CLEC10A: variants seen among roughly 807,000 people sequenced by gnomAD.
The protein encoded by CLEC10A is C-type lectin domain family 10 member A.
A neutral mutation model predicts 42.0 loss-of-function variants in CLEC10A; 38 were observed. The ratio of observed to expected loss-of-function variants is 0.90; its 90% confidence interval spans 0.70 to 1.18. CLEC10A has a LOEUF of 1.18. Among genes scored for constraint, CLEC10A ranks in the 50% most tolerant of loss-of-function variants. CLEC10A has a pLI of 0.00. For missense variants in CLEC10A, 298 were observed against 345.9 expected, an observed-to-expected ratio of 0.86 and a Z score of 1.10; for synonymous variants, 126 against 139.9, an observed-to-expected ratio of 0.90 and a Z score of 0.70.
At chr17:7,076,234 G>C in intron 5 of CLEC10A, 163 bp from the exon 6 acceptor site, 1 of 1,327,708 alleles carries the variant, frequency 7.5e-7, no homozygotes, top group South Asian at 1.4e-5. Context: ...CATCAAATCT[G>C]CTTTGGATTC....
At chr17:7,076,358 T>G (rs1259074493) in intron 5 of CLEC10A, among the ~76,000 whole-genome samples, 9 of 147,030 alleles carry the variant, frequency 6.1e-5, no homozygotes, top group Non-Finnish European at 7.5e-5. Context: ...CTGCCCAGGC[T>G]GGAGTGCAAT....
intron 3 of CLEC10A, 140 bp downstream of exon 3, chr17:7,077,857 C>T (rs1031555652): frequency 2.9e-6 from 2 of 688,058 alleles, no homozygotes; most frequent in African/African-American, 1.8e-5. Flanking sequence ...GTTATCTCCA[C>T]AGCTGCCCCC....
chr17:7,075,328 G>A, intron 8 of CLEC10A, 32 bp downstream of exon 8: 1 of 1,508,282 alleles, frequency 6.6e-7, no homozygotes, highest in East Asian at 2.3e-5. Context: ...GCTGACGGAG[G>A]ACATTGGCAC....
rs532880398 is a variant in CLEC10A at position 7,075,535 on chromosome 17, A to G, written c.595-69T>C. The stretch of plus-strand genomic sequence containing the variant: ...CAACTCCTTAAACTAGTGATTCTCA[A>G]CTTTAGCTCTTCGTTAAATCAACTG... On this transcript the variant is annotated intron_variant, in intron 7 of 8. Coordinates refer to ENST00000416562, the MANE Select transcript of CLEC10A (RefSeq NM_001330070.2). 6 of 1,446,656 alleles carry G rather than the reference A, an allele frequency of 4.1e-6. No homozygotes were observed. The East Asian group carries it at 1.4e-4, about 33-fold the overall frequency. 89.6% of individuals were successfully genotyped at this position (1,446,656 alleles called of 1,614,324 possible).
chr17:7,076,718 C>CGT lies in CLEC10A; in HGVS notation c.352+14_352+15insAC, dbSNP rs745976302. On this transcript the variant is annotated intron_variant, in intron 5 of 8. Coordinates refer to ENST00000416562, the MANE Select transcript of CLEC10A (RefSeq NM_001330070.2). ...GCGCCTAGCCCCCCACACCCATACT[C>CGT]GGAGGGTCTCTCACCTGCCTGCCGT... The CGT allele has an allele frequency of 2.5e-6, 4 of 1,613,428 alleles. No homozygotes were observed. In the African/African-American group the frequency reaches 5.3e-5, roughly 22 times the overall value.
chr17:7,076,710 C>A (rs1173508928), intron 5 of CLEC10A, 23 bp downstream of exon 5: 2 of 1,612,964 alleles, frequency 1.2e-6, no homozygotes, highest in African/African-American at 1.3e-5. Context: ...GCCCCCCACA[C>A]CCATACTCGG....
intron 7 of CLEC10A, 48 bp from the exon 8 acceptor site, chr17:7,075,514 T>C: frequency 6.8e-7 from 1 of 1,472,546 alleles, no homozygotes; most frequent in Non-Finnish European, 9.2e-7. Context: ...CCCAGCCAAC[T>C]CCTTAAACTA....
intron 3 of CLEC10A, 84 bp downstream of exon 3, chr17:7,077,913 C>A: frequency 9.4e-7 from 1 of 1,062,262 alleles, no homozygotes; most frequent in Non-Finnish European, 1.4e-6. Flanking sequence ...CACCATCGCC[C>A]CACCACTGCC....
chr17:7,077,187 C>G (rs929829742), intron 3 of CLEC10A, among the ~76,000 whole-genome samples, 200 bp from the exon 4 acceptor site: 4 of 152,058 alleles, frequency 2.6e-5, no homozygotes, highest in African/African-American at 9.7e-5. Flanking sequence ...CCCAACTACT[C>G]AGTGACAAAG....
chr17:7,077,896 T>G, intron 3 of CLEC10A, 101 bp downstream of exon 3: 1 of 872,146 alleles, frequency 1.1e-6, no homozygotes, highest in East Asian at 2.5e-5. Context: ...GCTCCTACTG[T>G]GGACCTCACC....
intron 5 of CLEC10A, 90 bp downstream of exon 5, chr17:7,076,643 G>C: frequency 2.1e-6 from 3 of 1,400,518 alleles, no homozygotes; most frequent in Non-Finnish European, 3.0e-6. Context: ...CTGGCTGAAG[G>C]GGAGGGCAGT....
chr17:7,077,047 G>A (rs1051966620), intron 3 of CLEC10A, 60 bp from the exon 4 acceptor site: 24 of 1,191,820 alleles, frequency 2.0e-5, no homozygotes, highest in Non-Finnish European at 2.6e-5. Flanking sequence ...TACCAGCACC[G>A]AGCAGGGCCC....
chr17:7,075,500 C>T (rs749816425), intron 7 of CLEC10A, 34 bp from the exon 8 acceptor site: 1 of 1,504,732 alleles, frequency 6.6e-7, no homozygotes, highest in Admixed American at 2.0e-5. Context: ...TGACTTCTTC[C>T]CATCCCAGCC....
At chr17:7,076,183 T>TTGGGGC in intron 5 of CLEC10A, 112 bp from the exon 6 acceptor site, 1 of 1,589,636 alleles carries the variant, frequency 6.3e-7, no homozygotes, top group Non-Finnish European at 8.6e-7. Context: ...GAATGTTCCT[T>TTGGGGC]CCCGCCCCCA....
intron 5 of CLEC10A, among the ~76,000 whole-genome samples, chr17:7,076,459 C>T (rs894329463): frequency 2.0e-5 from 3 of 151,646 alleles, no homozygotes; most frequent in Non-Finnish European, 2.9e-5. Context: ...TACAGGCGCC[C>T]ACCACCACAC....
intron 5 of CLEC10A, 120 bp from the exon 6 acceptor site, chr17:7,076,191 C>T: frequency 6.3e-7 from 1 of 1,586,834 alleles, no homozygotes; most frequent in East Asian, 2.2e-5. Context: ...CTTCCCGCCC[C>T]CACCCACCCC....
rs753857529 is a variant in CLEC10A at position 7,076,875 on chromosome 17, A to G, written c.280+17T>C. 8.7e-6 allele frequency: 14 copies of G among 1,613,650 alleles called. No individual in the cohort carries two copies. Among genetic ancestry groups the G allele is most frequent in the Non-Finnish European group, 1.1e-5 (13 of 1,179,806 alleles). ...TGGCCTGGCCCCAGCCCAGAGCCCC[A>G]TCCAAACCAGACTCACCCTGGGAAG... On this transcript the variant is annotated intron_variant, in intron 4 of 8. Coordinates refer to ENST00000416562, the MANE Select transcript of CLEC10A (RefSeq NM_001330070.2).
At chr17:7,079,665 G>A (rs1912062444) in intron 1 of CLEC10A, among the ~76,000 whole-genome samples, 1 of 152,092 alleles carries the variant, frequency 6.6e-6, no homozygotes, top group Admixed American at 6.5e-5. Flanking sequence ...GCTGGAAATG[G>A]GCCACCAATG....
At chr17:7,079,542 C>T (rs1456128806) in intron 1 of CLEC10A, among the ~76,000 whole-genome samples, 4 of 151,382 alleles carry the variant, frequency 2.6e-5, no homozygotes, top group African/African-American at 7.3e-5. Flanking sequence ...GAGGTTGTGC[C>T]GTTGCACTCC....
Sources: gnomAD v4.1 joint callset for allele counts (sites outside exome capture counted in the v4.1 genomes callset) on GRCh38, gnomAD v4.1.1 for gene constraint, MANE v1.5 for transcripts, NCBI Gene and HGNC (gene_info 2026-07-23, HGNC 2026-07-21) for gene names.